MLLT10: variants seen among roughly 807,000 people sequenced by gnomAD.
MLLT10 encodes protein AF-10.
MLLT10 carries 30 observed loss-of-function variants against 129.1 expected under a neutral mutation model. That is an observed-to-expected ratio of 0.23 (90% confidence interval 0.17 to 0.32). The LOEUF (loss-of-function observed/expected upper bound fraction) is 0.32. Ranked by LOEUF, MLLT10 falls within the 10% of genes least tolerant of loss-of-function variation. The pLI is 1.00. For synonymous variants in MLLT10, 490 were observed against 446.4 expected (o/e 1.10, Z -1.23); for missense variants, 1,119 against 1,268.3 (o/e 0.88, Z 1.79).
intron 7 of MLLT10, among the ~76,000 whole-genome samples, chr10:21,616,027 T>TA (rs1273215982): frequency 1.3e-5 from 2 of 152,116 alleles, no homozygotes; most frequent in African/African-American, 4.8e-5. Flanking sequence ...TGAAAATAAA[T>TA]ACTACAAGGG....
At chr10:21,548,369 A>G (rs1259745567) in intron 3 of MLLT10, among the ~76,000 whole-genome samples, 2 of 144,642 alleles carry the variant, frequency 1.4e-5, no homozygotes, top group African/African-American at 5.1e-5. Context: ...CATATTTTCT[A>G]TCTTATCTTT....
intron 13 of MLLT10, among the ~76,000 whole-genome samples, chr10:21,700,874 G>A (rs555758138): frequency 3.3e-5 from 5 of 152,134 alleles, no homozygotes; most frequent in Admixed American, 3.3e-4. Context: ...CCCTTCTCTT[G>A]GATTTTTGGA....
chr10:21,541,835 C>G (rs192013077), intron 3 of MLLT10, among the ~76,000 whole-genome samples: 25 of 151,996 alleles, frequency 1.6e-4, no homozygotes, highest in Non-Finnish European at 2.6e-4. Flanking sequence ...TTTATAGTTC[C>G]GATGATATGT....
intron 13 of MLLT10, among the ~76,000 whole-genome samples, chr10:21,682,567 G>A (rs2052851572): frequency 6.6e-6 from 1 of 152,182 alleles, no homozygotes; most frequent in Non-Finnish European, 1.5e-5. Context: ...TCTCTTGCCA[G>A]TGCAGGTAAT....
chr10:21,609,874 TTCTC>T (rs1214076495), intron 5 of MLLT10, among the ~76,000 whole-genome samples: 1 of 152,100 alleles, frequency 6.6e-6, no homozygotes, highest in Non-Finnish European at 1.5e-5. Context: ...GTGTGATGTT[TTCTC>T]TCTCACACAC....
At chr10:21,617,776 C>T (rs1195142712) in intron 8 of MLLT10, among the ~76,000 whole-genome samples, 1 of 152,102 alleles carries the variant, frequency 6.6e-6, no homozygotes, top group East Asian at 1.9e-4. Context: ...TTTTTACTTG[C>T]TTTATAGGAA....
At chr10:21,720,413 G>A (rs1007052062) in intron 14 of MLLT10, among the ~76,000 whole-genome samples, 2 of 152,208 alleles carry the variant, frequency 1.3e-5, no homozygotes, top group African/African-American at 2.4e-5. Flanking sequence ...AAATGGGTCT[G>A]CTATCAGAAT....
Position 21,670,620 on chromosome 10 carries a change from C to T in MLLT10, c.967C>T (p.His323Tyr). Reference protein sequence around the residue: ...SEGKGKKSSAHSSGQRGRKPG... With the variant: ...SEGKGKKSSAYSSGQRGRKPG... ...GGGCAAAGGGAAGAAATCTTCAGCT[C>T]ACAGCTCAGGTCAAAGGGGAAGAAA... The change falls in exon 10 of 23, where the codon CAC becomes TAC. Residue 323 changes from histidine (H) to tyrosine (Y), a missense_variant. Around this residue, in one of 5 missense-constraint regions of MLLT10, gnomAD observed 1,004 missense variants for 1,008.7 expected, o/e 1.00. Coordinates refer to ENST00000307729, the MANE Select transcript of MLLT10 (RefSeq NM_001195626.3). 13 of 1,614,128 alleles carry T rather than the reference C, an allele frequency of 8.1e-6. No individual in the cohort carries two copies. Among genetic ancestry groups the T allele is most frequent in the Non-Finnish European group, 1.1e-5 (13 of 1,180,024 alleles).
chr10:21,557,243 T>C, intron 3 of MLLT10: 1 of 975,864 alleles, frequency 1.0e-6, no homozygotes, highest in Non-Finnish European at 1.3e-6. Context: ...ATAACTCAGT[T>C]ATTATAAGTA....
intron 14 of MLLT10, among the ~76,000 whole-genome samples, chr10:21,725,990 A>G (rs972630419): frequency 6.6e-6 from 1 of 151,990 alleles, no homozygotes; most frequent in Non-Finnish European, 1.5e-5. Context: ...TGATCTCGTG[A>G]TCTGCCCACG....
intron 4 of MLLT10, among the ~76,000 whole-genome samples, chr10:21,593,926 TAAAAAA>T (rs61561146): frequency 2.0e-4 from 9 of 45,408 alleles, no homozygotes; most frequent in African/African-American, 3.2e-4. Context: ...GCTTTGTCTT[TAAAAAA>T]AAAAAAAAAA....
At chr10:21,578,472 A>C in intron 3 of MLLT10, among the ~76,000 whole-genome samples, 1 of 152,116 alleles carries the variant, frequency 6.6e-6, no homozygotes, top group East Asian at 1.9e-4. Context: ...GGTTTGGTAA[A>C]TTCTAGTTAT....
chr10:21,576,355 G>C (rs921055986), intron 3 of MLLT10, among the ~76,000 whole-genome samples: 2 of 150,298 alleles, frequency 1.3e-5, no homozygotes, highest in Non-Finnish European at 2.9e-5. Context: ...CCATTCTCCT[G>C]CCTCAGCCTC....
intron 20 of MLLT10, 74 bp from the exon 21 acceptor site, chr10:21,735,063 TTG>T: frequency 5.8e-6 from 6 of 1,031,560 alleles, no homozygotes; most frequent in Non-Finnish European, 5.9e-6. Context: ...AATTGAAAAG[TTG>T]TCTTTCATTT....
chr10:21,607,087 T>C (rs544987789), intron 5 of MLLT10, among the ~76,000 whole-genome samples: 1 of 152,202 alleles, frequency 6.6e-6, no homozygotes, highest in South Asian at 2.1e-4. Context: ...CAAGACCTTG[T>C]CTCTACTTGA....
intron 14 of MLLT10, 28 bp downstream of exon 14, chr10:21,713,978 G>T (rs374851289): frequency 4.1e-5 from 64 of 1,562,300 alleles, no homozygotes; most frequent in South Asian, 1.8e-4. Flanking sequence ...CATGTGACAG[G>T]TAATAGGTGG....
chr10:21,704,028 T>TTG lies in MLLT10; in HGVS notation c.1700-9743_1700-9742insGT, dbSNP rs1554856191. ...TCGATTGTTTTTTGTTTTTTTTTTTTTTTTTTTTTTTGATGGAGTGTTGCT... is the reference window on the plus strand; with the variant it reads ...TCGATTGTTTTTTGTTTTTTTTTTTTTGTTTTTTTTTTTGATGGAGTGTTGCT... On this transcript the variant is annotated intron_variant, in intron 13 of 22. Transcript: ENST00000307729. 4.3e-5 allele frequency among the ~76,000 whole-genome samples: 6 copies of TTG among 138,136 alleles called. No homozygotes were observed. In the East Asian group the frequency reaches 6.4e-4, roughly 15 times the overall value. 90.6% of individuals were successfully genotyped at this position (138,136 alleles called of 152,430 possible).
At chr10:21,632,634 T>C (rs1017597068) in intron 8 of MLLT10, among the ~76,000 whole-genome samples, 8 of 152,210 alleles carry the variant, frequency 5.3e-5, no homozygotes, top group African/African-American at 1.9e-4. Context: ...TTGAACAGTT[T>C]GTTTAAAGTT....
At position 21,670,524 on chromosome 10, in the gene MLLT10, A is replaced by T. The variant is rs749066707; in HGVS notation, c.871A>T (p.Asn291Tyr). 8.7e-6 allele frequency: 14 copies of T among 1,614,162 alleles called. No individual in the cohort carries two copies. The Admixed American group carries it at 1.8e-4, about 21-fold the overall frequency. ...RLEDTTARFT[N>Y]ANFQEVSAHT... ...GGAAGATACTACTGCACGATTTACA[A>T]ATGCAAATTTCCAGGAAGTCTCTGC... The change falls in exon 10 of 23, where the codon AAT (asparagine) becomes TAT (tyrosine). Residue 291 changes from asparagine to tyrosine, a missense_variant. This residue lies in a region of MLLT10 where 1,004 missense variants were observed against 1,008.7 expected (regional missense o/e 1.00). Coordinates refer to ENST00000307729, the MANE Select transcript of MLLT10 (RefSeq NM_001195626.3).
Sources: gnomAD v4.1 joint callset for allele counts (sites outside exome capture counted in the v4.1 genomes callset) on GRCh38, gnomAD v4.1.1 for gene constraint, gnomAD v4.1.1 regional missense constraint, MANE v1.5 for transcripts, NCBI Gene and HGNC (gene_info 2026-07-23, HGNC 2026-07-21) for gene names.